TLL1: variants seen among roughly 807,000 people sequenced by gnomAD.
TLL1 encodes tolloid-like protein 1.
In TLL1, 49 loss-of-function variants were observed where a neutral mutation model predicts 128.2. The observed-to-expected ratio is 0.38, with a 90% CI of 0.30 to 0.48. The LOEUF (loss-of-function observed/expected upper bound fraction) is 0.48, where lower values mean the gene tolerates loss of function less well. Ranked by LOEUF, TLL1 falls within the 20% of genes least tolerant of loss-of-function variation. The pLI is 0.96. For synonymous variants in TLL1, 454 were observed against 418.8 expected, an observed-to-expected ratio of 1.08 and a Z score of -1.03; for missense variants, 1,123 against 1,242.0, an observed-to-expected ratio of 0.90 and a Z score of 1.44.
chr4:165,994,520 A>G lies in TLL1; in HGVS notation c.501A>G (p.Gly167=). Residue 167 remains glycine (G), a synonymous_variant, in exon 4 of 21, where the codon GGA becomes GGG. Transcript: ENST00000061240. ...GAGGCGTTATTCCTTATGTTATAGG[A>G]GGAAACTTCACTGGTAAGATACTCC... is the stretch of plus-strand genomic sequence containing the variant. The part of the protein sequence containing the change: ...WPGGVIPYVI[G]GNFTGSQRAM... The G allele has an allele frequency of 6.2e-7, 1 of 1,614,012 alleles. No homozygotes were observed.
chr4:165,903,246 G>A (rs1732082130), intron 1 of TLL1, among the ~76,000 whole-genome samples: 1 of 152,098 alleles, frequency 6.6e-6, no homozygotes, highest in African/African-American at 2.4e-5. Flanking sequence ...GCTGAGGCAG[G>A]AGAATGGCTT....
intron 9 of TLL1, among the ~76,000 whole-genome samples, chr4:166,029,751 T>C (rs1344412219): frequency 6.6e-6 from 1 of 152,128 alleles, no homozygotes; most frequent in East Asian, 1.9e-4. Flanking sequence ...ATTGGAAGCA[T>C]AGAGTATTTG....
In TLL1 at chr4:166,007,950, G is replaced by A. The variant is rs17590218; in HGVS notation, c.819G>A (p.Glu273=). 0.033 allele frequency: 53,014 copies of A among 1,607,216 alleles called. 1,036 individuals carry two copies. The highest frequency in any genetic ancestry group is 0.072 in the East Asian group (3,239 of 44,688). ...IIRENIQPGQ[E]YNFLKMEPGE... Reference sequence around the variant, plus strand: ...TTTATCCCTGGTTCTTAGGTCAAGAGTACAATTTTCTGAAGATGGAGCCTG... The same window carrying A: ...TTTATCCCTGGTTCTTAGGTCAAGAATACAATTTTCTGAAGATGGAGCCTG... Residue 273 remains glutamate (E), a synonymous_variant, in exon 7 of 21, where the codon GAG becomes GAA. Transcript: ENST00000061240.
intron 1 of TLL1, among the ~76,000 whole-genome samples, chr4:165,973,684 A>C (rs1272910840): frequency 6.8e-6 from 1 of 148,018 alleles, no homozygotes; most frequent in Non-Finnish European, 1.5e-5. Flanking sequence ...TTCTTTTTTG[A>C]GATGGAGTCT....
At chr4:166,049,457 T>C (rs1739613053) in intron 12 of TLL1, among the ~76,000 whole-genome samples, 1 of 152,194 alleles carries the variant, frequency 6.6e-6, no homozygotes, top group South Asian at 2.1e-4. Flanking sequence ...TACTGTCAAG[T>C]GAATATTATT....
chr4:165,913,141 A>G (rs1732616413), intron 1 of TLL1, among the ~76,000 whole-genome samples: 1 of 152,222 alleles, frequency 6.6e-6, no homozygotes, highest in East Asian at 1.9e-4. Flanking sequence ...ACTTAAAAAA[A>G]CACCAACAAA....
chr4:165,879,266 A>G (rs2110807322), intron 1 of TLL1, among the ~76,000 whole-genome samples: 1 of 152,178 alleles, frequency 6.6e-6, no homozygotes, highest in Non-Finnish European at 1.5e-5. Flanking sequence ...ATGAAAGCCT[A>G]ATATAAGCCA....
chr4:166,051,452 C>G (rs1256543678), intron 12 of TLL1, among the ~76,000 whole-genome samples: 1 of 151,956 alleles, frequency 6.6e-6, no homozygotes, highest in African/African-American at 2.4e-5. Flanking sequence ...GGACTTGATT[C>G]ACATTTTAGT....
chr4:165,981,815 A>G (rs1226244506), intron 1 of TLL1, among the ~76,000 whole-genome samples: 1 of 151,992 alleles, frequency 6.6e-6, no homozygotes, highest in East Asian at 1.9e-4. Flanking sequence ...TTCTTTGCAG[A>G]TTGCTTTCAT....
rs184158180 is a variant in TLL1, at chr4:166,000,099, C to G, written c.633-3292C>G. 3.0e-3 allele frequency among the ~76,000 whole-genome samples: 450 copies of G among 152,132 alleles called. 2 individuals carry two copies. The highest frequency in any genetic ancestry group is 4.9e-3 in the Non-Finnish European group (336 of 68,000). ...TCTGTTGATAGGGAAAGTTTTTGCTCGATGCTACAGGTAGACCTTAAAATG... is the reference window on the plus strand; with the variant it reads ...TCTGTTGATAGGGAAAGTTTTTGCTGGATGCTACAGGTAGACCTTAAAATG... On this transcript the variant is annotated intron_variant, in intron 5 of 20. Transcript: ENST00000061240.
At chr4:165,898,683 A>T (rs1731809137) in intron 1 of TLL1, among the ~76,000 whole-genome samples, 2 of 152,124 alleles carry the variant, frequency 1.3e-5, no homozygotes, top group South Asian at 4.1e-4. Context: ...TATTGGCCTG[A>T]ATTTTTCCAT....
chr4:166,097,019 A>G (rs1365880182), intron 19 of TLL1, among the ~76,000 whole-genome samples: 1 of 152,114 alleles, frequency 6.6e-6, no homozygotes, highest in South Asian at 2.1e-4. Flanking sequence ...TTAAATTTAT[A>G]TGGGTTTTAC....
In TLL1 at chr4:166,040,506, A is replaced by G. The variant is rs1398939204; in HGVS notation, c.1261+1065A>G. 2.6e-5 allele frequency among the ~76,000 whole-genome samples: 4 copies of G among 152,262 alleles called. 1 individual carries two copies. The highest frequency in any genetic ancestry group is 9.6e-5 in the African/African-American group (4 of 41,468). On this transcript the variant is annotated intron_variant, in intron 10 of 20. Transcript: ENST00000061240. ...TTCTTTTTAGAGCACCATCAGCATT[A>G]CATGGCTCAATGTATAATGGACCAC...
chr4:165,989,986 A>G (rs902696055), intron 2 of TLL1, among the ~76,000 whole-genome samples: 3 of 151,872 alleles, frequency 2.0e-5, no homozygotes, highest in Admixed American at 6.6e-5. Context: ...GAGAAATTAT[A>G]TAGGAAATGT....
chr4:165,891,544 A>G (rs111995233), intron 1 of TLL1, among the ~76,000 whole-genome samples: 9,146 of 152,172 alleles, frequency 0.06, 890 homozygotes, highest in African/African-American at 0.21. Context: ...TCTGAGGTTC[A>G]AAGTTCCACA....
chr4:166,068,703 G>T (rs1372003361), intron 16 of TLL1, among the ~76,000 whole-genome samples: 2 of 151,756 alleles, frequency 1.3e-5, no homozygotes, highest in Non-Finnish European at 2.9e-5. Context: ...TCCAGAAGAA[G>T]AATTTCAAAA....
intron 1 of TLL1, among the ~76,000 whole-genome samples, chr4:165,928,379 C>T (rs1379013474): frequency 1.3e-5 from 2 of 152,088 alleles, no homozygotes; most frequent in Non-Finnish European, 2.9e-5. Context: ...GAAAGTTCTA[C>T]AGTAGAACAG....
intron 18 of TLL1, among the ~76,000 whole-genome samples, chr4:166,081,038 A>C (rs1741263281): frequency 6.6e-6 from 1 of 151,906 alleles, no homozygotes; most frequent in African/African-American, 2.4e-5. Flanking sequence ...CTTGGTGTTG[A>C]GCTTTCTCAG....
chr4:165,964,028 G>GAT (rs1371840873), intron 1 of TLL1, among the ~76,000 whole-genome samples: 41 of 152,078 alleles, frequency 2.7e-4, no homozygotes, highest in African/African-American at 8.9e-4. Context: ...CAAAATTTTA[G>GAT]GCTACATTTG....
Sources: gnomAD v4.1 joint callset for allele counts (sites outside exome capture counted in the v4.1 genomes callset) on GRCh38, gnomAD v4.1.1 for gene constraint, MANE v1.5 for transcripts, NCBI Gene and HGNC (gene_info 2026-07-23, HGNC 2026-07-21) for gene names.